TCF12: variants seen among roughly 807,000 people sequenced by gnomAD.
TCF12 encodes transcription factor 12.
A neutral mutation model predicts 86.0 loss-of-function variants in TCF12; 45 were observed. That is an observed-to-expected ratio of 0.52 (90% CI 0.41 to 0.67). TCF12 has a LOEUF of 0.67. TCF12 is among the 30% of genes least tolerant of loss of function. The pLI, the probability that TCF12 is intolerant of heterozygous loss-of-function variation, is 0.00. For synonymous variants in TCF12, 330 were observed against 299.6 expected (o/e 1.10, Z -1.05); for missense variants, 881 against 859.9 (o/e 1.02, Z -0.31).
chr15:57,055,175 C>A (rs1393052292), intron 3 of TCF12, among the ~76,000 whole-genome samples: 4 of 152,026 alleles, frequency 2.6e-5, no homozygotes, highest in Non-Finnish European at 4.4e-5. Context: ...CCGAAGCAGG[C>A]GAATCAAGCC....
At position 57,253,452 on chromosome 15, in the gene TCF12, G is replaced by A; in HGVS notation, c.1451G>A (p.Ser484Asn). The change falls in exon 16 of 21, where the codon AGT (serine) becomes AAT (asparagine). Residue 484 changes from serine (S) to asparagine (N), a missense_variant. Physicochemically the swap from Ser to Asn is conservative, Grantham distance 46 (BLOSUM62 1). This residue lies in a region of TCF12 where 766 missense variants were observed against 718.9 expected (regional missense o/e 1.07). Transcript: ENST00000333725. ...GGAGGATCAAGCCTTGTTGCAAGCA[G>A]TCGATCAGCTTCAATGGTAAAATCA... Reference protein sequence around the residue: ...NYGGSSLVASSRSASMVGTHR... With the variant: ...NYGGSSLVASNRSASMVGTHR... The A allele has an allele frequency of 3.1e-6, 5 of 1,614,050 alleles. No individual in the cohort carries two copies. The Middle Eastern group carries it at 5.0e-4, about 160-fold the overall frequency.
chr15:56,989,599 GC>G (rs2063346087), intron 3 of TCF12, among the ~76,000 whole-genome samples: 1 of 152,116 alleles, frequency 6.6e-6, no homozygotes, highest in South Asian at 2.1e-4. Flanking sequence ...TGCCTCAAAG[GC>G]ACTGAGACAG....
chr15:57,142,512 T>C (rs942694290), intron 5 of TCF12, among the ~76,000 whole-genome samples: 2 of 68,640 alleles, frequency 2.9e-5, no homozygotes, highest in African/African-American at 7.3e-5. Flanking sequence ...CTGTACATTT[T>C]GAACAACAAA....
intron 13 of TCF12, among the ~76,000 whole-genome samples, chr15:57,248,300 G>A (rs1347362244): frequency 6.6e-6 from 1 of 152,114 alleles, no homozygotes; most frequent in Admixed American, 6.6e-5. Flanking sequence ...TTCCTATTAG[G>A]AAAGGACAGA....
At chr15:57,050,816 T>A (rs2067562007) in intron 3 of TCF12, among the ~76,000 whole-genome samples, 1 of 152,214 alleles carries the variant, frequency 6.6e-6, no homozygotes, top group African/African-American at 2.4e-5. Flanking sequence ...CCAGTGAAAT[T>A]TTCATTTCAG....
chr15:56,937,679 G>T (rs1450093788), intron 3 of TCF12, among the ~76,000 whole-genome samples: 5 of 151,626 alleles, frequency 3.3e-5, no homozygotes, highest in Admixed American at 6.6e-5. Context: ...GTTGGCTGTG[G>T]GTTTGTCATA....
chr15:57,123,828 C>A (rs2051413793), intron 5 of TCF12, among the ~76,000 whole-genome samples: 1 of 151,814 alleles, frequency 6.6e-6, no homozygotes, highest in African/African-American at 2.4e-5. Context: ...GGCCTGGTGG[C>A]AGGCGCCTGT....
chr15:56,948,086 G>C (rs1319782655), intron 3 of TCF12, among the ~76,000 whole-genome samples: 1 of 151,920 alleles, frequency 6.6e-6, no homozygotes, highest in Admixed American at 6.6e-5. Flanking sequence ...TAAGGATTTT[G>C]TGAAGTTTAA....
intron 8 of TCF12, among the ~76,000 whole-genome samples, chr15:57,212,125 A>T (rs1366068472): frequency 1.3e-5 from 2 of 152,178 alleles, no homozygotes; most frequent in Non-Finnish European, 2.9e-5. Context: ...AATTCTGTGG[A>T]TTCTATACTT....
At chr15:57,079,748 A>G (rs1487545816) in intron 4 of TCF12, among the ~76,000 whole-genome samples, 2 of 152,162 alleles carry the variant, frequency 1.3e-5, no homozygotes, top group Admixed American at 1.3e-4. Flanking sequence ...GAGACTGACA[A>G]CCATGCAGAA....
rs1401503496 is a variant in TCF12, at chr15:56,940,520, CCTTCTTCTTCTCCTTCTT to C, written c.148+19425_148+19442del. ...TCCTCCTTCTTCTTCTCCTCCTCCTCCTTCTTCTTCTCCTTCTTCTCCTTCTTCTTCCTTTTCCTCTTC... is the reference window on the plus strand; with the variant it reads ...TCCTCCTTCTTCTTCTCCTCCTCCTCCTCCTTCTTCTTCCTTTTCCTCTTC... On this transcript the variant is annotated intron_variant, in intron 3 of 20. Transcript: ENST00000333725. Among the ~76,000 whole-genome samples the C allele has an allele frequency of 9.1e-4, 136 of 149,252 alleles. 2 individuals are homozygous for C. Among genetic ancestry groups the C allele is most frequent in the African/African-American group, 3.1e-3 (124 of 39,872 alleles).
intron 5 of TCF12, among the ~76,000 whole-genome samples, chr15:57,159,944 C>T (rs1457490117): frequency 1.3e-5 from 2 of 152,202 alleles, no homozygotes; most frequent in Non-Finnish European, 2.9e-5. Context: ...ATTTACTGGA[C>T]TGCTGCAGAA....
chr15:57,149,924 C>A (rs1390089759), intron 5 of TCF12, among the ~76,000 whole-genome samples: 1 of 151,992 alleles, frequency 6.6e-6, no homozygotes, highest in African/African-American at 2.4e-5. Context: ...GAAAGGGTTT[C>A]TAAGAGGTAT....
chr15:56,955,135 A>G (rs1294491697), intron 3 of TCF12, among the ~76,000 whole-genome samples: 1 of 152,250 alleles, frequency 6.6e-6, no homozygotes, highest in African/African-American at 2.4e-5. Flanking sequence ...ACAATAGCAC[A>G]TACTTGGAAG....
At chr15:57,270,293 T>C (rs2061074124) in intron 18 of TCF12, among the ~76,000 whole-genome samples, 1 of 152,250 alleles carries the variant, frequency 6.6e-6, no homozygotes, top group Non-Finnish European at 1.5e-5. Flanking sequence ...TCTTCTCGCA[T>C]TATTTCATTA....
chr15:57,113,539 TTTTTTCTTTTTC>T (rs1208343857), intron 5 of TCF12, among the ~76,000 whole-genome samples: 4 of 152,166 alleles, frequency 2.6e-5, no homozygotes, highest in African/African-American at 9.7e-5. Context: ...TTTGCTTCTT[TTTTTTCTTTTTC>T]TTTTTCTTTT....
At chr15:57,140,441 T>G (rs2052875644) in intron 5 of TCF12, among the ~76,000 whole-genome samples, 1 of 152,192 alleles carries the variant, frequency 6.6e-6, no homozygotes, top group Non-Finnish European at 1.5e-5. Flanking sequence ...CCTTGAGTAT[T>G]TTAATCTCCT....
intron 3 of TCF12, among the ~76,000 whole-genome samples, chr15:56,962,413 G>A (rs1490337669): frequency 6.6e-6 from 1 of 151,904 alleles, no homozygotes; most frequent in Non-Finnish European, 1.5e-5. Context: ...GTTCTTAGTC[G>A]CCTTTAGTCT....
intron 6 of TCF12, among the ~76,000 whole-genome samples, chr15:57,180,976 G>C (rs886879480): frequency 1.3e-5 from 2 of 151,492 alleles, no homozygotes; most frequent in Non-Finnish European, 2.9e-5. Flanking sequence ...CACCACGCCC[G>C]CCTAATTTTT....
Sources: allele counts gnomAD v4.1 joint callset (sites outside exome capture counted in the v4.1 genomes callset), GRCh38; gene constraint gnomAD v4.1.1; regional missense constraint gnomAD v4.1.1; transcripts MANE v1.5; gene names NCBI Gene and HGNC (gene_info 2026-07-23, HGNC 2026-07-21).